The following PLEKHA5 variants were observed in gnomAD, a reference collection of about 807,000 sequenced individuals.
The protein encoded by PLEKHA5 is pleckstrin homology domain-containing family A member 5.
Under a neutral mutation model 181.9 loss-of-function variants are expected in PLEKHA5, and 55 were observed. That is an observed-to-expected ratio of 0.30 (90% CI 0.24 to 0.38). The LOEUF (loss-of-function observed/expected upper bound fraction) is 0.38, where lower values mean the gene tolerates loss of function less well. PLEKHA5 is among the 10% of genes least tolerant of loss of function. The probability of loss-of-function intolerance (pLI) is 1.00; values close to 1 mark genes in which losing one functional copy is unlikely to be tolerated. For synonymous variants in PLEKHA5, 535 were observed against 529.4 expected, an observed-to-expected ratio of 1.01 and a Z score of -0.15; for missense variants, 1,432 against 1,549.5, an observed-to-expected ratio of 0.92 and a Z score of 1.27.
intron 15 of PLEKHA5, chr12:19,306,759 A>G (rs1166233328): frequency 2.0e-5 from 20 of 997,984 alleles, no homozygotes; most frequent in South Asian, 6.4e-5. Flanking sequence ...CACCTTTGCC[A>G]ATCGCAATCT....
intron 20 of PLEKHA5, among the ~76,000 whole-genome samples, chr12:19,325,620 G>A (rs1001101737): frequency 2.5e-4 from 36 of 143,148 alleles, no homozygotes; most frequent in African/African-American, 7.3e-4. Flanking sequence ...CCCGGGAGGC[G>A]GTGGTTGCAG....
intron 3 of PLEKHA5, among the ~76,000 whole-genome samples, chr12:19,191,619 C>G (rs1262063691): frequency 6.6e-6 from 1 of 152,162 alleles, no homozygotes; most frequent in Non-Finnish European, 1.5e-5. Context: ...CTCAAATCAC[C>G]TCTAAACATA....
chr12:19,193,231 T>G (rs995331694), intron 3 of PLEKHA5, among the ~76,000 whole-genome samples: 1 of 152,192 alleles, frequency 6.6e-6, no homozygotes, highest in Non-Finnish European at 1.5e-5. Context: ...AAAGTCTTAA[T>G]ACTTAGAAGA....
chr12:19,220,740 T>C (rs1414845990), intron 3 of PLEKHA5, among the ~76,000 whole-genome samples: 1 of 152,208 alleles, frequency 6.6e-6, no homozygotes, highest in Non-Finnish European at 1.5e-5. Flanking sequence ...TTATTTGTAA[T>C]CTATTGTCTA....
chr12:19,348,968 A>T (rs1323388651), intron 25 of PLEKHA5, among the ~76,000 whole-genome samples: 1 of 152,194 alleles, frequency 6.6e-6, no homozygotes, highest in African/African-American at 2.4e-5. Flanking sequence ...TCTCATAAAT[A>T]AAAATAAAAG....
At chr12:19,313,815 T>C (rs7312841) in intron 15 of PLEKHA5, among the ~76,000 whole-genome samples, 19,655 of 152,074 alleles carry the variant, frequency 0.13, 1,342 homozygotes, top group South Asian at 0.18. Flanking sequence ...AGACTGAAAA[T>C]ATAATTGTCT....
At chr12:19,163,686 C>A (rs545629897) in intron 3 of PLEKHA5, among the ~76,000 whole-genome samples, 1 of 152,060 alleles carries the variant, frequency 6.6e-6, no homozygotes, top group East Asian at 1.9e-4. Flanking sequence ...ATCTATCTAT[C>A]TATCTATCTC....
chr12:19,140,065 A>G (rs754986241), intron 3 of PLEKHA5, among the ~76,000 whole-genome samples: 4 of 152,178 alleles, frequency 2.6e-5, no homozygotes, highest in Non-Finnish European at 4.4e-5. Context: ...TGTTCTTCCA[A>G]TTCTCTTGAA....
At chr12:19,349,645 G>A (rs979299968) in intron 25 of PLEKHA5, among the ~76,000 whole-genome samples, 1 of 151,478 alleles carries the variant, frequency 6.6e-6, no homozygotes, top group Admixed American at 6.6e-5. Flanking sequence ...GGTGGCTAAC[G>A]CCTGTAATCC....
In PLEKHA5 at chr12:19,260,957, TG is replaced by T; in HGVS notation, c.548del (p.Gly183AlafsTer2). 1.3e-6 allele frequency: 2 copies of T among 1,595,468 alleles called. No homozygotes were observed. The highest frequency in any genetic ancestry group is 1.7e-6 in the Non-Finnish European group (2 of 1,166,652). ...ATGCTGATTTAATCCAGGACAGTACTGGCATGAAATTGTGGAAGAAACGCTG... is the reference window on the plus strand; with the variant it reads ...ATGCTGATTTAATCCAGGACAGTACTGCATGAAATTGTGGAAGAAACGCTG... ...RGWLYKQDST[G>X]MKLWKKRWFV... On this transcript the variant is annotated frameshift_variant, in exon 7 of 32. Coordinates refer to ENST00000429027, the MANE Select transcript of PLEKHA5 (RefSeq NM_001256470.2). LOFTEE classifies it high-confidence loss of function.
chr12:19,183,823 C>T (rs1016299924), intron 3 of PLEKHA5, among the ~76,000 whole-genome samples: 2 of 152,152 alleles, frequency 1.3e-5, no homozygotes. Context: ...AAACGATTCT[C>T]CTGCCTCAGC....
At chr12:19,307,001 TG>T in intron 15 of PLEKHA5, 1 of 1,492,156 alleles carries the variant, frequency 6.7e-7, no homozygotes, top group South Asian at 1.1e-5. Context: ...CCGGCTGCTT[TG>T]GGGGCTCCTA....
intron 15 of PLEKHA5, among the ~76,000 whole-genome samples, chr12:19,310,924 C>T (rs1311369226): frequency 2.6e-5 from 4 of 152,140 alleles, no homozygotes; most frequent in African/African-American, 9.7e-5. Context: ...TCAGCAAGTC[C>T]TAATCTTTTT....
intron 25 of PLEKHA5, among the ~76,000 whole-genome samples, chr12:19,350,498 GGCTCAC>G (rs1217300675): frequency 6.6e-6 from 1 of 152,194 alleles, no homozygotes; most frequent in Non-Finnish European, 1.5e-5. Flanking sequence ...CAGGCTTGGT[GGCTCAC>G]GCCTATCTAT....
intron 3 of PLEKHA5, chr12:19,154,131 C>T (rs2041115123): frequency 6.6e-6 from 1 of 152,130 alleles, no homozygotes; most frequent in Non-Finnish European, 1.5e-5. Context: ...GGACCTCCAC[C>T]TCCGGTAGTA....
chr12:19,215,246 C>A (rs1407852052), intron 3 of PLEKHA5, among the ~76,000 whole-genome samples: 1 of 151,970 alleles, frequency 6.6e-6, no homozygotes. Flanking sequence ...CTACTTGGAA[C>A]TTCCTTGTCA....
In PLEKHA5 at chr12:19,134,076, G is replaced by A. The variant is rs117561653; in HGVS notation, c.227+1626G>A. 4.0e-4 allele frequency among the ~76,000 whole-genome samples: 61 copies of A among 152,038 alleles called. No homozygotes were observed. In the East Asian group the frequency reaches 0.01, roughly 26 times the overall value. On this transcript the variant is annotated intron_variant, in intron 3 of 31. Transcript: ENST00000429027. ...TTCAATAACATTTTAATTTCTTTGCGTGCATTCTTGGATGAATGTTTATTT... is the reference window on the plus strand; with the variant it reads ...TTCAATAACATTTTAATTTCTTTGCATGCATTCTTGGATGAATGTTTATTT...
intron 3 of PLEKHA5, among the ~76,000 whole-genome samples, chr12:19,253,523 C>G (rs938388674): frequency 1.3e-5 from 2 of 151,988 alleles, no homozygotes; most frequent in Non-Finnish European, 2.9e-5. Flanking sequence ...TTAGGAATCT[C>G]AAAAGGCTGG....
At chr12:19,194,426 G>A (rs965290406) in intron 3 of PLEKHA5, among the ~76,000 whole-genome samples, 1 of 152,124 alleles carries the variant, frequency 6.6e-6, no homozygotes, top group Admixed American at 6.5e-5. Flanking sequence ...GTATCTTTAT[G>A]ATATAATGAA....
Sources: allele counts gnomAD v4.1 joint callset (sites outside exome capture counted in the v4.1 genomes callset), GRCh38; gene constraint gnomAD v4.1.1; transcripts MANE v1.5; gene names NCBI Gene and HGNC (gene_info 2026-07-23, HGNC 2026-07-21).